Variants in CSMD1 observed in about 807,000 individuals in gnomAD.
CSMD1 encodes CUB and sushi domain-containing protein 1.
CSMD1 carries 213 observed loss-of-function variants against 417.5 expected under a neutral mutation model. The ratio of observed to expected loss-of-function variants is 0.51; its 90% CI spans 0.46 to 0.57. The LOEUF is 0.57. Among genes scored for constraint, CSMD1 ranks in the 20% least tolerant of loss-of-function variants. The probability of loss-of-function intolerance (pLI) is 0.00; values close to 1 mark genes in which losing one functional copy is unlikely to be tolerated. For missense variants in CSMD1, 6,923 were observed against 4,529.7 expected (o/e 1.53, Z -15.17); for synonymous variants, 2,862 against 1,736.8 (o/e 1.65, Z -16.11).
At chr8:4,021,937 T>C (rs111296872) in intron 4 of CSMD1, among the ~76,000 whole-genome samples, 2 of 151,876 alleles carry the variant, frequency 1.3e-5, no homozygotes, top group African/African-American at 4.8e-5. Flanking sequence ...GCTCTTTTGA[T>C]CTTTATTTTT....
intron 2 of CSMD1, among the ~76,000 whole-genome samples, chr8:4,462,789 A>AC (rs1351094992): frequency 6.7e-6 from 1 of 150,304 alleles, no homozygotes; most frequent in African/African-American, 2.5e-5. Context: ...ACAAGAGGGT[A>AC]CCCCTTCCTT....
intron 3 of CSMD1, among the ~76,000 whole-genome samples, chr8:4,357,590 T>C (rs964248531): frequency 2.0e-5 from 3 of 152,196 alleles, no homozygotes; most frequent in African/African-American, 7.2e-5. Flanking sequence ...TGCTTAGTAT[T>C]AGTCCTTTAG....
chr8:3,768,596 T>C (rs1200569281), intron 5 of CSMD1, among the ~76,000 whole-genome samples: 3 of 151,816 alleles, frequency 2.0e-5, no homozygotes, highest in African/African-American at 7.3e-5. Context: ...CAACACAGAG[T>C]GTAACATTAA....
intron 5 of CSMD1, among the ~76,000 whole-genome samples, chr8:3,798,896 G>C (rs1451414005): frequency 6.6e-6 from 1 of 151,738 alleles, no homozygotes; most frequent in African/African-American, 2.4e-5. Flanking sequence ...AAGTTTATAG[G>C]TGCAAAAGAA....
intron 7 of CSMD1, among the ~76,000 whole-genome samples, chr8:3,657,713 G>C (rs1165692091): frequency 6.6e-6 from 1 of 152,132 alleles, no homozygotes; most frequent in Admixed American, 6.5e-5. Flanking sequence ...GGGGCTAGGG[G>C]AGGGGTAGCA....
At chr8:4,287,373 A>G (rs1797116671) in intron 3 of CSMD1, among the ~76,000 whole-genome samples, 1 of 152,200 alleles carries the variant, frequency 6.6e-6, no homozygotes, top group Non-Finnish European at 1.5e-5. Context: ...ATCTAGAGGA[A>G]CAATGTAATG....
rs1033642517 is a variant in CSMD1 at position 3,118,459 on chromosome 8, C to G, written c.6370G>C (p.Val2124Leu). ...TTGATCCCATGCTGACAAGTGAGGACAGGATGGCCTATTAGAATGTACCCA... is the reference window on the plus strand; with the variant it reads ...TTGATCCCATGCTGACAAGTGAGGAGAGGATGGCCTATTAGAATGTACCCA... Reference protein sequence around the residue: ...YPGYILIGHPVLTCQHGINRN... With the variant: ...YPGYILIGHPLLTCQHGINRN... The change falls in exon 42 of 70, where the codon GTC becomes CTC. Residue 2124 changes from valine (V) to leucine (L), a missense_variant. By Grantham distance (32) the Val-to-Leu change is conservative. Transcript: ENST00000635120. 2 of 1,613,862 alleles carry G rather than the reference C, an allele frequency of 1.2e-6. No individual in the cohort carries two copies. The highest frequency in any genetic ancestry group is 8.5e-7 in the Non-Finnish European group (1 of 1,179,840).
chr8:3,493,635 G>A lies in CSMD1; in HGVS notation c.1436C>T (p.Ser479Leu), dbSNP rs370398160. 6 of 1,609,928 alleles carry A rather than the reference G, an allele frequency of 3.7e-6. No homozygotes were observed. The highest frequency in any genetic ancestry group is 4.5e-5 in the East Asian group (2 of 44,728). Reference protein sequence around the residue: ...GDAGKVGDTRSVLYVLTGSSV... With the variant: ...GDAGKVGDTRLVLYVLTGSSV... ...AGGACATACTCACACGTACAAGACC[G>A]ATCTGGTGTCTCCCACCTTCCCAGC... Residue 479 changes from serine to leucine, a missense_variant, in exon 11 of 70, where the codon TCG (serine) becomes TTG (leucine). Physicochemically the swap from Ser to Leu is moderately radical, Grantham distance 145 (BLOSUM62 -2). Transcript: ENST00000635120.
intron 5 of CSMD1, among the ~76,000 whole-genome samples, chr8:3,818,771 C>T (rs1037494444): frequency 1.3e-5 from 2 of 152,158 alleles, no homozygotes; most frequent in African/African-American, 4.8e-5. Context: ...ACACACCTGG[C>T]ATAACCCCAA....
chr8:3,224,706 A>C (rs563399013), intron 27 of CSMD1, among the ~76,000 whole-genome samples: 2 of 152,356 alleles, frequency 1.3e-5, no homozygotes, highest in African/African-American at 4.8e-5. Context: ...AAATGTGTTT[A>C]CATTTATATT....
At chr8:4,166,648 G>A (rs181887194) in intron 3 of CSMD1, among the ~76,000 whole-genome samples, 5 of 152,082 alleles carry the variant, frequency 3.3e-5, no homozygotes, top group South Asian at 4.1e-4. Flanking sequence ...TGCATATTGG[G>A]TACCGTGTAC....
chr8:3,002,229 C>A (rs982673194), intron 52 of CSMD1, among the ~76,000 whole-genome samples: 1 of 152,198 alleles, frequency 6.6e-6, no homozygotes, highest in East Asian at 1.9e-4. Flanking sequence ...TGAAGAGAGA[C>A]CCCCTGAAGG....
At chr8:4,111,256 C>T (rs117117952) in intron 3 of CSMD1, among the ~76,000 whole-genome samples, 2 of 152,130 alleles carry the variant, frequency 1.3e-5, no homozygotes, top group East Asian at 3.9e-4. Context: ...TATCATCAGT[C>T]AGTTTGTTTT....
chr8:3,913,130 C>A (rs965687200), intron 5 of CSMD1, among the ~76,000 whole-genome samples: 23 of 151,920 alleles, frequency 1.5e-4, no homozygotes, highest in African/African-American at 5.6e-4. Flanking sequence ...GGTTTTGGCA[C>A]CTTGAAATTT....
At chr8:3,338,271 G>A (rs537514663) in intron 23 of CSMD1, among the ~76,000 whole-genome samples, 1 of 152,170 alleles carries the variant, frequency 6.6e-6, no homozygotes, top group Non-Finnish European at 1.5e-5. Flanking sequence ...CCCAGGGAGT[G>A]GCTTAGTCAT....
intron 1 of CSMD1, among the ~76,000 whole-genome samples, chr8:4,968,902 C>T (rs1302481352): frequency 2.6e-5 from 4 of 152,158 alleles, no homozygotes; most frequent in African/African-American, 9.7e-5. Flanking sequence ...GGGTTGCCAC[C>T]AACTACTGCA....
rs984104308 is a variant in CSMD1 at position 3,029,414 on chromosome 8, C to T, written c.7760G>A (p.Ser2587Asn). 4 of 1,611,864 alleles carry T rather than the reference C, an allele frequency of 2.5e-6. No individual in the cohort carries two copies. Among genetic ancestry groups the T allele is most frequent in the South Asian group, 1.1e-5 (1 of 90,616 alleles). The change falls in exon 51 of 70, where the codon AGC becomes AAC. Residue 2587 changes from serine (S) to asparagine (N), a missense_variant. Transcript: ENST00000635120. Reference protein sequence around the residue: ...LNEYGAQVLLSCSPGYYLEGW... With the variant: ...LNEYGAQVLLNCSPGYYLEGW... The stretch of plus-strand genomic sequence containing the variant: ...TTCTAAGTAGTAACCAGGACTGCAG[C>T]TCAGCAATACTTGAGCACCGTACTC...
intron 6 of CSMD1, among the ~76,000 whole-genome samples, chr8:3,746,333 C>A (rs1342203571): frequency 6.6e-6 from 1 of 152,202 alleles, no homozygotes; most frequent in Non-Finnish European, 1.5e-5. Context: ...ATCTACCAGT[C>A]ACTGCCAAGT....
At chr8:4,783,979 G>C (rs192808266) in intron 1 of CSMD1, among the ~76,000 whole-genome samples, 12 of 152,176 alleles carry the variant, frequency 7.9e-5, no homozygotes, top group Non-Finnish European at 1.8e-4. Flanking sequence ...TGGATGAGGT[G>C]CATGGCTACA....
Sources: gnomAD v4.1 joint callset for allele counts (sites outside exome capture counted in the v4.1 genomes callset) on GRCh38, gnomAD v4.1.1 for gene constraint, MANE v1.5 for transcripts, NCBI Gene and HGNC (gene_info 2026-07-23, HGNC 2026-07-21) for gene names.